The following PICALM variants were observed in gnomAD, a reference collection of about 807,000 sequenced individuals.
PICALM encodes phosphatidylinositol-binding clathrin assembly protein.
A neutral mutation model predicts 80.5 loss-of-function variants in PICALM; 40 were observed. The observed-to-expected ratio is 0.50, with a 90% CI of 0.39 to 0.65. PICALM has a LOEUF of 0.65. Among genes scored for constraint, PICALM ranks in the 30% least tolerant of loss-of-function variants. PICALM has a pLI of 0.00. For synonymous variants in PICALM, 288 were observed against 260.3 expected (o/e 1.11, Z -1.02); for missense variants, 676 against 778.9 (o/e 0.87, Z 1.57).
intron 13 of PICALM, among the ~76,000 whole-genome samples, chr11:85,988,462 A>T (rs2094648095): frequency 2.0e-5 from 3 of 152,196 alleles, no homozygotes; most frequent in Non-Finnish European, 1.5e-5. Flanking sequence ...AGTTGTAAAG[A>T]TACTGTTATC....
At chr11:86,002,170 C>T (rs1045922134) in intron 9 of PICALM, among the ~76,000 whole-genome samples, 3 of 152,104 alleles carry the variant, frequency 2.0e-5, no homozygotes, top group African/African-American at 7.2e-5. Context: ...TCGTTATTCT[C>T]TCAAATAAAT....
intron 12 of PICALM, among the ~76,000 whole-genome samples, chr11:85,991,039 GAAC>G (rs1401623193): frequency 6.6e-6 from 1 of 152,198 alleles, no homozygotes; most frequent in Non-Finnish European, 1.5e-5. Flanking sequence ...ATTGCTAAAG[GAAC>G]AACAAAAGTG....
chr11:85,986,459 C>T (rs2094576136), intron 13 of PICALM, among the ~76,000 whole-genome samples: 1 of 137,678 alleles, frequency 7.3e-6, no homozygotes, highest in Non-Finnish European at 1.5e-5. Context: ...GGCGCAATCT[C>T]GGCTCACTGC....
At chr11:86,022,040 T>C (rs1454595061) in intron 4 of PICALM, among the ~76,000 whole-genome samples, 1 of 152,178 alleles carries the variant, frequency 6.6e-6, no homozygotes, top group Non-Finnish European at 1.5e-5. Context: ...TGAATGCTAA[T>C]AGGTATAGAG....
At chr11:86,062,146 G>A (rs991116246) in intron 1 of PICALM, among the ~76,000 whole-genome samples, 5 of 152,174 alleles carry the variant, frequency 3.3e-5, no homozygotes, top group African/African-American at 1.2e-4. Flanking sequence ...GTATTTCAGG[G>A]CAGATAAACA....
At chr11:86,012,701 C>T (rs1385282456) in intron 5 of PICALM, among the ~76,000 whole-genome samples, 1 of 151,728 alleles carries the variant, frequency 6.6e-6, no homozygotes, top group Non-Finnish European at 1.5e-5. Context: ...ATTCTAAGTT[C>T]TTTTTTAGCA....
intron 8 of PICALM, among the ~76,000 whole-genome samples, chr11:86,004,236 AAAG>A (rs1369201154): frequency 2.6e-5 from 4 of 152,370 alleles, no homozygotes; most frequent in South Asian, 4.1e-4. Flanking sequence ...ATTCAGCAAT[AAAG>A]AAGAATTAAT....
chr11:85,971,492 T>C (rs938096830), intron 19 of PICALM, among the ~76,000 whole-genome samples: 2 of 151,928 alleles, frequency 1.3e-5, no homozygotes, highest in African/African-American at 2.4e-5. Context: ...TCCCAGCACT[T>C]TGGGAGGCCG....
chr11:86,055,915 C>T (rs188363517), intron 1 of PICALM, among the ~76,000 whole-genome samples: 16 of 151,778 alleles, frequency 1.1e-4, no homozygotes, highest in Admixed American at 5.3e-4. Context: ...GCAGGTAGAT[C>T]GCTTGAGGTC....
At chr11:86,001,947 C>T (rs2095157964) in intron 9 of PICALM, among the ~76,000 whole-genome samples, 1 of 152,166 alleles carries the variant, frequency 6.6e-6, no homozygotes, top group Non-Finnish European at 1.5e-5. Flanking sequence ...ACACACCAAA[C>T]ATCATTAGTT....
intron 13 of PICALM, among the ~76,000 whole-genome samples, chr11:85,990,008 CA>C (rs5793177): frequency 1.0e-4 from 9 of 89,332 alleles, no homozygotes; most frequent in East Asian, 2.8e-4. Context: ...AACCAAACAC[CA>C]AAAAAAAAAA....
At chr11:85,971,684 C>T (rs112292095) in intron 19 of PICALM, among the ~76,000 whole-genome samples, 11 of 150,510 alleles carry the variant, frequency 7.3e-5, no homozygotes, top group Admixed American at 2.7e-4. Context: ...TGCAGTGAGC[C>T]GAGATCGCAC....
chr11:86,061,397 T>C (rs1194882613), intron 1 of PICALM, among the ~76,000 whole-genome samples: 2 of 109,496 alleles, frequency 1.8e-5, no homozygotes, highest in Non-Finnish European at 4.1e-5. Context: ...TTATTCAAAA[T>C]AAACAACTCT....
At chr11:85,982,438 T>TTTTTTTTTTTTTA in intron 14 of PICALM, among the ~76,000 whole-genome samples, 1 of 135,704 alleles carries the variant, frequency 7.4e-6, no homozygotes, top group African/African-American at 2.9e-5. Context: ...TTTTTTTTTT[T>TTTTTTTTTTTTTA]GAGACGGAGT....
chr11:86,018,631 G>A (rs139671094), intron 4 of PICALM, among the ~76,000 whole-genome samples: 5,587 of 152,268 alleles, frequency 0.037, 153 homozygotes, highest in Non-Finnish European at 0.055. Flanking sequence ...GCTCATGCCT[G>A]TAATCTCAGC....
intron 1 of PICALM, among the ~76,000 whole-genome samples, chr11:86,032,834 C>G (rs1413624282): frequency 1.3e-5 from 2 of 152,156 alleles, no homozygotes; most frequent in East Asian, 3.8e-4. Flanking sequence ...AATGATCTAA[C>G]TTGGCCTTGA....
At chr11:86,002,838 C>A (rs12279581) in intron 9 of PICALM, among the ~76,000 whole-genome samples, 5,370 of 152,116 alleles carry the variant, frequency 0.035, 275 homozygotes, top group African/African-American at 0.11. Flanking sequence ...CATGGTGAAA[C>A]CCTGTCTCTA....
Position 86,068,670 on chromosome 11 carries a change from G to C in PICALM, c.111C>G (p.Pro37=), listed in dbSNP as rs1565634279. 2 of 1,612,850 alleles carry C rather than the reference G, an allele frequency of 1.2e-6. No individual in the cohort carries two copies. The highest frequency in any genetic ancestry group is 2.7e-5 in the African/African-American group (2 of 74,816). The change falls in exon 1 of 20, where the codon CCC becomes CCG. Residue 37 remains proline (P), a synonymous_variant. Transcript: ENST00000393346. ...ACTCACAGTCCAGGTGCTTTTTCTT[G>C]GGCCCCATGATCTCGTGGGTCGTGG... ...CKATTHEIMG[P]KKKHLDYLIQ...
rs7123605 is a variant in PICALM at position 86,005,402 on chromosome 11, C to A, written c.808-1951G>T. Among the ~76,000 whole-genome samples the A allele has an allele frequency of 7.7e-3, 1,169 of 152,170 alleles. 15 individuals are homozygous for A. Among genetic ancestry groups the A allele is most frequent in the African/African-American group, 0.027 (1,122 of 41,506 alleles). The stretch of plus-strand genomic sequence containing the variant: ...CTATTTTTCAAAAGTCAAATCCACA[C>A]GACAAAGAGTGAGGAGGCTGGGCAC... On this transcript the variant is annotated intron_variant, in intron 8 of 19. Coordinates refer to ENST00000393346, the MANE Select transcript of PICALM (RefSeq NM_007166.4).
Sources: allele counts gnomAD v4.1 joint callset (sites outside exome capture counted in the v4.1 genomes callset), GRCh38; gene constraint gnomAD v4.1.1; transcripts MANE v1.5; gene names NCBI Gene and HGNC (gene_info 2026-07-23, HGNC 2026-07-21).